KANTR: variants seen among roughly 807,000 people sequenced by gnomAD.
KANTR encodes the protein KDM5C adjacent transcript.
intron 2 of KANTR, among the ~76,000 whole-genome samples, chrX:53,103,834 A>G (rs1325660578): frequency 1.8e-5 from 2 of 111,383 alleles, no homozygotes; most frequent in African/African-American, 6.5e-5. Context: ...TCTGTACTAC[A>G]TAAGGTGCTC....
At chrX:53,097,211 ACT>A (rs1932850789) in intron 1 of KANTR, among the ~76,000 whole-genome samples, 1 of 110,205 alleles carries the variant, frequency 9.1e-6, no homozygotes, top group Non-Finnish European at 1.9e-5. Context: ...TTCCCTGAAC[ACT>A]CTGTCCTCCC....
Position 53,119,044 on chromosome X carries a change from C to CT in KANTR, c.-804-4407dup, listed in dbSNP as rs59837494. On this transcript the variant is annotated intron_variant, in intron 2 of 2. Coordinates refer to ENST00000604062, the Ensembl canonical transcript of KANTR. ...TGAGTAGAAATTCTTATTTTTCTTT[C>CT]TTTTTTTTTTTTTTTTTTGTGAGAC... is the stretch of plus-strand genomic sequence containing the variant. 2.2e-3 allele frequency among the ~76,000 whole-genome samples: 155 copies of CT among 70,473 alleles called. 1 individual carries two copies. Among genetic ancestry groups the CT allele is most frequent in the African/African-American group, 5.8e-3 (124 of 21,373 alleles). 61.2% of individuals were successfully genotyped at this position (70,473 alleles called of 115,157 possible).
chrX:53,131,946 C>G (rs1291738204), downstream of KANTR, among the ~76,000 whole-genome samples: 1 of 112,066 alleles, frequency 8.9e-6, no homozygotes, highest in African/African-American at 3.2e-5. Flanking sequence ...GTTATAAGAT[C>G]AATATACAAA....
At chrX:53,107,813 A>G (rs1008324272) in intron 2 of KANTR, among the ~76,000 whole-genome samples, 2 of 110,287 alleles carry the variant, frequency 1.8e-5, no homozygotes, top group African/African-American at 3.4e-5. Context: ...CTAGAGTGCA[A>G]TGGCTCCATC....
chrX:53,110,787 G>T (rs2146728872), intron 2 of KANTR, among the ~76,000 whole-genome samples: 1 of 109,420 alleles, frequency 9.1e-6, no homozygotes, highest in African/African-American at 3.3e-5. Context: ...GCCGGGCGTG[G>T]TGGCATGCAC....
chrX:53,124,657 A>G (rs1357316113), exon 3 of KANTR: 1 of 282,911 alleles, frequency 3.5e-6, no homozygotes, highest in Non-Finnish European at 6.2e-6. Context: ...CATTTCTATC[A>G]AGGTTACTTC....
At chrX:53,147,920 G>A (rs1205220061) in intron 3 of KANTR, among the ~76,000 whole-genome samples, 5 of 111,304 alleles carry the variant, frequency 4.5e-5, no homozygotes, top group Non-Finnish European at 9.4e-5. Flanking sequence ...TGAAACCAAC[G>A]AGAACAAAGA....
At chrX:53,131,646 G>T (rs143673935), downstream of KANTR, among the ~76,000 whole-genome samples, 957 of 112,003 alleles carry the variant, frequency 8.5e-3, 12 homozygotes, top group African/African-American at 0.029. Flanking sequence ...TAGGGCATCT[G>T]CAAAATAACC....
exon 3 of KANTR, chrX:53,124,692 T>C (rs1327339101): frequency 3.8e-6 from 1 of 265,688 alleles, no homozygotes; most frequent in Admixed American, 6.5e-5. Flanking sequence ...TATATAGAAA[T>C]GTGTTTTTAG....
At chrX:53,135,731 C>A (rs782401040) in intron 2 of KANTR, among the ~76,000 whole-genome samples, 1 of 112,005 alleles carries the variant, frequency 8.9e-6, no homozygotes, top group South Asian at 3.7e-4. Flanking sequence ...GTCTGACCCA[C>A]AATAACTGTC....
At chrX:53,124,685 A>G in exon 3 of KANTR, 2 of 270,528 alleles carry the variant, frequency 7.4e-6, no homozygotes, top group East Asian at 5.2e-5. Flanking sequence ...TGTAAGTTAT[A>G]TAGAAATGTG....
chrX:53,146,264 C>T (rs1324038799), downstream of KANTR, among the ~76,000 whole-genome samples: 1 of 111,455 alleles, frequency 9.0e-6, no homozygotes, highest in Admixed American at 9.6e-5. Context: ...AGACAAATCA[C>T]TAACTAGAAT....
At chrX:53,101,875 G>A (rs1170358433) in intron 2 of KANTR, among the ~76,000 whole-genome samples, 11 of 110,440 alleles carry the variant, frequency 1.0e-4, no homozygotes, top group African/African-American at 3.0e-4. Context: ...GGCGTGCGCC[G>A]CTAGTCCCAG....
At chrX:53,129,466 G>C (rs1456157131), downstream of KANTR, among the ~76,000 whole-genome samples, 4 of 110,822 alleles carry the variant, frequency 3.6e-5, no homozygotes, top group East Asian at 1.1e-3. Context: ...GAAACTCTTA[G>C]TCTGTGTTTA....
At chrX:53,098,383 T>C (rs1932863260) in intron 1 of KANTR, among the ~76,000 whole-genome samples, 1 of 112,299 alleles carries the variant, frequency 8.9e-6, no homozygotes, top group African/African-American at 3.2e-5. Context: ...TCGATGTTGA[T>C]GGTTGCTGAC....
At chrX:53,139,922 C>T (rs1322905952) in intron 2 of KANTR, among the ~76,000 whole-genome samples, 5 of 112,075 alleles carry the variant, frequency 4.5e-5, no homozygotes, top group African/African-American at 1.6e-4. Context: ...AAGACAGCAA[C>T]GCCAATAGAA....
intron 2 of KANTR, among the ~76,000 whole-genome samples, chrX:53,134,044 GATAC>G (rs1933391452): frequency 9.0e-6 from 1 of 111,473 alleles, no homozygotes; most frequent in Non-Finnish European, 1.9e-5. Context: ...CTTGTTCAGT[GATAC>G]ATACATGGGA....
chrX:53,115,387 C>T (rs1328996887), intron 2 of KANTR, among the ~76,000 whole-genome samples: 4 of 110,259 alleles, frequency 3.6e-5, no homozygotes, highest in Non-Finnish European at 5.7e-5. Context: ...AACCTGGGGC[C>T]GGGGGGGCCA....
chrX:53,134,155 A>G (rs1420372383), intron 2 of KANTR, among the ~76,000 whole-genome samples: 1 of 111,453 alleles, frequency 9.0e-6, no homozygotes, highest in East Asian at 2.8e-4. Context: ...TGAGGTCAGG[A>G]GTTCGAGACC....
Sources: allele counts gnomAD v4.1 joint callset (sites outside exome capture counted in the v4.1 genomes callset), GRCh38; gene constraint gnomAD v4.1.1; transcripts MANE v1.5; gene names NCBI Gene and HGNC (gene_info 2026-07-23, HGNC 2026-07-21).